The following BRAF variants were observed in gnomAD, a reference collection of about 807,000 sequenced individuals.
BRAF encodes serine/threonine-protein kinase B-raf.
BRAF carries 16 observed loss-of-function variants against 104.6 expected under a neutral mutation model. The ratio of observed to expected loss-of-function variants is 0.15; its 90% confidence interval spans 0.10 to 0.23. The LOEUF (loss-of-function observed/expected upper bound fraction) is 0.23. BRAF is among the 10% of genes least tolerant of loss of function. The probability of loss-of-function intolerance (pLI) is 1.00; values close to 1 mark genes in which losing one functional copy is unlikely to be tolerated. For synonymous variants in BRAF, 310 were observed against 341.6 expected (o/e 0.91, Z 1.02); for missense variants, 541 against 937.3 (o/e 0.58, Z 5.52).
rs1795218098 is a variant in BRAF, at chr7:140,719,441, G to A, written c.*7053C>T. ...TACAGTTTTTAAATAACTTTACACA[G>A]AAATAAATTTCTTCAATCTGAATTT... is the stretch of plus-strand genomic sequence containing the variant. On this transcript the variant is annotated 3_prime_UTR_variant, in exon 20 of 20. Coordinates refer to ENST00000644969, the MANE Select transcript of BRAF (RefSeq NM_001374258.1). 1 of 1,010,322 alleles carries A rather than the reference G, an allele frequency of 9.9e-7. No homozygotes were observed. The highest frequency in any genetic ancestry group is 6.0e-5 in the East Asian group (1 of 16,742). The allele number at this position is 1,010,322 out of a possible 1,614,324, so 62.6% of individuals were successfully genotyped here.
At chr7:140,908,024 C>T (rs1383630562) in intron 1 of BRAF, among the ~76,000 whole-genome samples, 3 of 152,198 alleles carry the variant, frequency 2.0e-5, no homozygotes. Context: ...GGATTACAGG[C>T]GTGAGCCACC....
At chr7:140,802,209 A>G (rs896865658) in intron 5 of BRAF, among the ~76,000 whole-genome samples, 6 of 152,152 alleles carry the variant, frequency 3.9e-5, no homozygotes, top group African/African-American at 9.7e-5. Flanking sequence ...AAGATTATAA[A>G]GGAGTTGAAT....
At chr7:140,716,530 A>G (rs1795133306), downstream of BRAF, among the ~76,000 whole-genome samples, 1 of 152,214 alleles carries the variant, frequency 6.6e-6, no homozygotes, top group South Asian at 2.1e-4. Context: ...GATTGTAAAC[A>G]TATTCCAGCA....
At chr7:140,887,411 T>C (rs985148953) in intron 1 of BRAF, among the ~76,000 whole-genome samples, 1 of 152,204 alleles carries the variant, frequency 6.6e-6, no homozygotes, top group African/African-American at 2.4e-5. Flanking sequence ...CAATCTTCCT[T>C]TAAATATGAT....
intron 3 of BRAF, among the ~76,000 whole-genome samples, chr7:140,827,443 C>T (rs532724027): frequency 2.0e-5 from 3 of 152,220 alleles, no homozygotes; most frequent in African/African-American, 7.2e-5. Context: ...AATTTGAATC[C>T]CACACAATGA....
At chr7:140,849,343 A>G (rs1808904188) in intron 2 of BRAF, among the ~76,000 whole-genome samples, 1 of 152,230 alleles carries the variant, frequency 6.6e-6, no homozygotes, top group African/African-American at 2.4e-5. Context: ...AGGCATTATT[A>G]AACAGTAAAG....
At chr7:140,794,576 A>G (rs1802327933) in intron 7 of BRAF, 109 bp from the exon 8 acceptor site, 1 of 1,284,262 alleles carries the variant, frequency 7.8e-7, no homozygotes, top group African/African-American at 1.5e-5. Context: ...TCTCAAAATC[A>G]TTAAAGCATT....
At chr7:140,890,225 T>TG (rs1388642398) in intron 1 of BRAF, among the ~76,000 whole-genome samples, 1 of 152,190 alleles carries the variant, frequency 6.6e-6, no homozygotes, top group African/African-American at 2.4e-5. Flanking sequence ...TAAACTGAAA[T>TG]GATAAATGAA....
intron 1 of BRAF, among the ~76,000 whole-genome samples, chr7:140,915,397 A>G (rs1226101679): frequency 6.6e-6 from 1 of 152,228 alleles, no homozygotes; most frequent in East Asian, 1.9e-4. Context: ...AATATAAAAC[A>G]AAAGTATTCC....
At chr7:140,892,331 A>G (rs889654481) in intron 1 of BRAF, among the ~76,000 whole-genome samples, 6 of 152,208 alleles carry the variant, frequency 3.9e-5, no homozygotes, top group African/African-American at 1.2e-4. Context: ...CTAATATCCA[A>G]TTATGAAATC....
chr7:140,740,047 TACG>T, intron 17 of BRAF, 101 bp from the exon 17 acceptor site: 1 of 1,293,572 alleles, frequency 7.7e-7, no homozygotes, highest in Non-Finnish European at 1.1e-6. Context: ...ATTTACAGCT[TACG>T]ATGTATGTAT....
At chr7:140,884,740 C>T (rs1443029954) in intron 1 of BRAF, among the ~76,000 whole-genome samples, 2 of 152,078 alleles carry the variant, frequency 1.3e-5, no homozygotes, top group African/African-American at 4.8e-5. Context: ...TTAGCCACCA[C>T]ACTTGGCCCC....
chr7:140,774,640 G>C (rs1240009688), intron 14 of BRAF, among the ~76,000 whole-genome samples: 1 of 152,130 alleles, frequency 6.6e-6, no homozygotes, highest in African/African-American at 2.4e-5. Flanking sequence ...ACTCAGCCTA[G>C]TGAGTAGCTA....
At position 140,724,527 on chromosome 7, in the gene BRAF, T is replaced by C; in HGVS notation, c.*1967A>G. 9.6e-7 allele frequency: 1 copy of C among 1,046,508 alleles called. No individual in the cohort carries two copies. Among genetic ancestry groups the C allele is most frequent in the African/African-American group, 1.7e-5 (1 of 60,106 alleles). 64.8% of individuals were successfully genotyped at this position (1,046,508 alleles called of 1,614,324 possible). On this transcript the variant is annotated 3_prime_UTR_variant, in exon 20 of 20. Coordinates refer to ENST00000644969, the MANE Select transcript of BRAF (RefSeq NM_001374258.1). ...ATGTAAAACTTAAAAACAAATTTGC[T>C]TTTCAAACTGATTAATAACTTAAGG...
Position 140,798,298 on chromosome 7 carries a change from T to C in BRAF, c.980+2064A>G, listed in dbSNP as rs558825106. On this transcript the variant is annotated intron_variant, in intron 7 of 19. Coordinates refer to ENST00000644969, the MANE Select transcript of BRAF (RefSeq NM_001374258.1). Reference sequence around the variant, plus strand: ...TTTTTTTTGAGACGGAGTCTTGCTCTGTCACCCAGGCTGGAATGCAGTGAC... The same window carrying C: ...TTTTTTTTGAGACGGAGTCTTGCTCCGTCACCCAGGCTGGAATGCAGTGAC... Among the ~76,000 whole-genome samples, 119 of 72,584 alleles carry C rather than the reference T, an allele frequency of 1.6e-3. No homozygotes were observed. The highest frequency in any genetic ancestry group is 0.012 in the Middle Eastern group (1 of 86). The allele number at this position is 72,584 out of a possible 152,430, so 47.6% of individuals were successfully genotyped here.
At chr7:140,753,524 A>G in intron 15 of BRAF, 131 bp from the exon 15 acceptor site, 1 of 650,584 alleles carries the variant, frequency 1.5e-6, no homozygotes, top group South Asian at 1.6e-5. Flanking sequence ...ATAGTACTTC[A>G]TCTTTCCTCT....
At chr7:140,897,728 T>C (rs1438557872) in intron 1 of BRAF, among the ~76,000 whole-genome samples, 1 of 151,850 alleles carries the variant, frequency 6.6e-6, no homozygotes, top group African/African-American at 2.4e-5. Context: ...TCTCAATCTC[T>C]TGACCTCATG....
At chr7:140,792,256 A>G (rs1272280313) in intron 8 of BRAF, among the ~76,000 whole-genome samples, 1 of 152,116 alleles carries the variant, frequency 6.6e-6, no homozygotes, top group Admixed American at 6.5e-5. Flanking sequence ...TCCTGCCTCT[A>G]TGTGTTTCCC....
At chr7:140,822,723 A>G (rs892233373) in intron 3 of BRAF, among the ~76,000 whole-genome samples, 5 of 152,246 alleles carry the variant, frequency 3.3e-5, no homozygotes, top group African/African-American at 1.2e-4. Context: ...TGACAAAGCA[A>G]CTAAGAACAT....
Sources: allele counts gnomAD v4.1 joint callset (sites outside exome capture counted in the v4.1 genomes callset), GRCh38; gene constraint gnomAD v4.1.1; transcripts MANE v1.5; gene names NCBI Gene and HGNC (gene_info 2026-07-23, HGNC 2026-07-21).